The following VAV3 variants were observed in gnomAD, a reference collection of about 807,000 sequenced individuals.
VAV3 encodes the protein vav guanine nucleotide exchange factor 3, also known as guanine nucleotide exchange factor VAV3.
VAV3 carries 94 observed loss-of-function variants against 131.2 expected under a neutral mutation model. The ratio of observed to expected loss-of-function variants is 0.72; its 90% confidence interval spans 0.61 to 0.85. VAV3 has a LOEUF of 0.85. Ranked by LOEUF, VAV3 falls within the 40% of genes least tolerant of loss-of-function variation. VAV3 has a pLI of 0.00. For synonymous variants in VAV3, 349 were observed against 342.0 expected, an observed-to-expected ratio of 1.02 and a Z score of -0.22; for missense variants, 939 against 1,002.7, an observed-to-expected ratio of 0.94 and a Z score of 0.86.
At chr1:107,964,160 T>G (rs1675292299) in intron 1 of VAV3, among the ~76,000 whole-genome samples, 2 of 152,142 alleles carry the variant, frequency 1.3e-5, no homozygotes, top group African/African-American at 4.8e-5. Flanking sequence ...CTTTGACCAA[T>G]GTCACTCCTG....
chr1:107,645,630 G>C (rs865832244), intron 19 of VAV3, among the ~76,000 whole-genome samples: 1 of 152,104 alleles, frequency 6.6e-6, no homozygotes, highest in Non-Finnish European at 1.5e-5. Flanking sequence ...ACATTAACTG[G>C]AAGACAAAAA....
intron 9 of VAV3, 79 bp downstream of exon 9, chr1:107,764,997 G>A: frequency 1.1e-6 from 1 of 873,494 alleles, no homozygotes; most frequent in Non-Finnish European, 1.8e-6. Context: ...GAAATGTACT[G>A]CTTCACTGAT....
chr1:107,946,508 G>A (rs1014259945), intron 1 of VAV3, among the ~76,000 whole-genome samples: 1 of 152,122 alleles, frequency 6.6e-6, no homozygotes, highest in Admixed American at 6.5e-5. Context: ...TATGTTAACA[G>A]GAGCTACAAA....
At chr1:107,737,223 T>C (rs1386109355) in intron 15 of VAV3, among the ~76,000 whole-genome samples, 2 of 152,206 alleles carry the variant, frequency 1.3e-5, no homozygotes, top group Non-Finnish European at 2.9e-5. Flanking sequence ...ATTAAAAGCA[T>C]AAATGTTAGA....
intron 1 of VAV3, among the ~76,000 whole-genome samples, chr1:107,887,268 T>C (rs1223014225): frequency 1.3e-5 from 2 of 152,228 alleles, no homozygotes; most frequent in Non-Finnish European, 2.9e-5. Flanking sequence ...TCAGCTTTGA[T>C]CTTAATGGCT....
chr1:107,686,566 C>T (rs1659043274), intron 18 of VAV3, among the ~76,000 whole-genome samples: 1 of 152,146 alleles, frequency 6.6e-6, no homozygotes. Context: ...CTGTATTTCT[C>T]CCTTAAAACA....
intron 19 of VAV3, among the ~76,000 whole-genome samples, chr1:107,659,321 T>C (rs961195903): frequency 3.9e-5 from 6 of 152,182 alleles, no homozygotes; most frequent in African/African-American, 1.4e-4. Flanking sequence ...ACTTCAAAAC[T>C]ATACATAGGA....
intron 24 of VAV3, 36 bp from the exon 25 acceptor site, chr1:107,596,377 G>C (rs1272306140): frequency 6.2e-7 from 1 of 1,607,438 alleles, no homozygotes; most frequent in South Asian, 1.1e-5. Context: ...TTTTGATAAG[G>C]ATACTTTTGT....
Position 107,724,621 on chromosome 1 carries a change from T to C in VAV3, c.1503-19560A>G, listed in dbSNP as rs185549890. The stretch of plus-strand genomic sequence containing the variant: ...AGAGAGATTGGACAATCCTACAGTA[T>C]AGGATGGGGGGTGGCACAGGAAAAG... On this transcript the variant is annotated intron_variant, in intron 15 of 26. Transcript: ENST00000370056. Among the ~76,000 whole-genome samples, 4 of 152,084 alleles carry C rather than the reference T, an allele frequency of 2.6e-5. No homozygotes were observed. In the East Asian group the frequency reaches 7.7e-4, roughly 29 times the overall value.
chr1:107,643,431 A>G (rs1222898801), intron 19 of VAV3, among the ~76,000 whole-genome samples: 2 of 152,130 alleles, frequency 1.3e-5, no homozygotes, highest in African/African-American at 4.8e-5. Flanking sequence ...TCAGTTCACG[A>G]TTTCATTTTT....
chr1:107,730,189 T>C (rs1171430662), intron 15 of VAV3, among the ~76,000 whole-genome samples: 1 of 152,210 alleles, frequency 6.6e-6, no homozygotes, highest in South Asian at 2.1e-4. Context: ...AGCTAGTCAA[T>C]GGTCAGTCTA....
rs147623730 is a variant in VAV3, at chr1:107,947,088, T to C, written c.204+17578A>G. 4.6e-5 allele frequency among the ~76,000 whole-genome samples: 7 copies of C among 152,268 alleles called. No individual in the cohort carries two copies. The East Asian group carries it at 1.4e-3, about 29-fold the overall frequency. On this transcript the variant is annotated intron_variant, in intron 1 of 26. Transcript: ENST00000370056. ...GATCCAAAATTTGAACTCTAGAGCC[T>C]ATAACCTTTTTGCTATAAAATGCCA...
At chr1:107,841,237 G>A (rs1194373659) in intron 2 of VAV3, among the ~76,000 whole-genome samples, 1 of 151,996 alleles carries the variant, frequency 6.6e-6, no homozygotes, top group East Asian at 1.9e-4. Context: ...AGTGAATACA[G>A]CACAAAGTTC....
At chr1:107,880,802 A>T (rs1361319790) in intron 1 of VAV3, among the ~76,000 whole-genome samples, 1 of 58,496 alleles carries the variant, frequency 1.7e-5, no homozygotes, top group Admixed American at 1.6e-4. Flanking sequence ...TCTCCAAAAA[A>T]AAAAAAGAAA....
At chr1:107,746,410 G>A (rs1557815307) in intron 15 of VAV3, among the ~76,000 whole-genome samples, 1 of 152,146 alleles carries the variant, frequency 6.6e-6, no homozygotes, top group African/African-American at 2.4e-5. Context: ...TACTTCTACT[G>A]GTGTGTTATT....
chr1:107,717,334 T>C (rs901551183), intron 15 of VAV3, among the ~76,000 whole-genome samples: 2 of 152,242 alleles, frequency 1.3e-5, no homozygotes, highest in Non-Finnish European at 2.9e-5. Flanking sequence ...GATGTTAGGG[T>C]GTCAATTTTA....
chr1:107,904,838 TATC>T (rs149120503), intron 1 of VAV3, among the ~76,000 whole-genome samples: 24,126 of 152,132 alleles, frequency 0.16, 1,988 homozygotes, highest in South Asian at 0.22. Context: ...TACATGTAAT[TATC>T]ATTATATTCA....
chr1:107,617,742 T>G, intron 20 of VAV3, 110 bp from the exon 21 acceptor site: 1 of 898,480 alleles, frequency 1.1e-6, no homozygotes, highest in Non-Finnish European at 1.7e-6. Flanking sequence ...ATTCCTTATG[T>G]GTTATATCCA....
intron 19 of VAV3, 109 bp from the exon 20 acceptor site, chr1:107,642,864 C>A (rs1655454039): frequency 3.5e-6 from 5 of 1,435,902 alleles, no homozygotes; most frequent in Admixed American, 2.2e-5. Context: ...TTAATACCAC[C>A]AAGTCCAAGT....
Sources: allele counts gnomAD v4.1 joint callset (sites outside exome capture counted in the v4.1 genomes callset), GRCh38; gene constraint gnomAD v4.1.1; transcripts MANE v1.5; gene names NCBI Gene and HGNC (gene_info 2026-07-23, HGNC 2026-07-21).